NCOA3: variants seen among roughly 807,000 people sequenced by gnomAD.
NCOA3 encodes the protein nuclear receptor coactivator 3.
NCOA3 carries 51 observed loss-of-function variants against 158.8 expected under a neutral mutation model. That is an observed-to-expected ratio of 0.32 (90% confidence interval 0.26 to 0.41). The LOEUF (loss-of-function observed/expected upper bound fraction) is 0.41. NCOA3 is among the 10% of genes least tolerant of loss of function. The pLI, the probability that NCOA3 is intolerant of heterozygous loss-of-function variation, is 1.00. For synonymous variants in NCOA3, 537 were observed against 592.4 expected (o/e 0.91, Z 1.36); for missense variants, 1,510 against 1,746.6 (o/e 0.86, Z 2.41).
intron 20 of NCOA3, among the ~76,000 whole-genome samples, 161 bp from the exon 21 acceptor site, chr20:47,652,245 A>G (rs971498081): frequency 1.3e-5 from 2 of 152,030 alleles, no homozygotes; most frequent in African/African-American, 4.8e-5. Flanking sequence ...AGAATCTAGA[A>G]TACCTGGGGG....
At chr20:47,653,310 G>A (rs988039365) in intron 22 of NCOA3, 96 bp from the exon 23 acceptor site, 5 of 1,446,708 alleles carry the variant, frequency 3.5e-6, no homozygotes, top group Non-Finnish European at 4.7e-6. Context: ...GAGCTGCACT[G>A]TAAGCCATGA....
At chr20:47,641,942 C>T (rs1246706541) in intron 16 of NCOA3, among the ~76,000 whole-genome samples, 1 of 152,084 alleles carries the variant, frequency 6.6e-6, no homozygotes, top group Non-Finnish European at 1.5e-5. Context: ...CTGCTATACC[C>T]CAAATGCCTA....
chr20:47,585,075 A>G (rs1602439978), intron 2 of NCOA3, among the ~76,000 whole-genome samples: 1 of 75,078 alleles, frequency 1.3e-5, no homozygotes, highest in East Asian at 3.6e-4. Context: ...TTTTTTTGAG[A>G]CAGACTCCCT....
intron 14 of NCOA3, 33 bp downstream of exon 14, chr20:47,639,235 T>C: frequency 6.5e-7 from 1 of 1,544,740 alleles, no homozygotes; most frequent in Non-Finnish European, 8.9e-7. Flanking sequence ...GTATGATTAT[T>C]TTGGGAAAAG....
At chr20:47,547,961 C>A (rs2084860426) in intron 1 of NCOA3, among the ~76,000 whole-genome samples, 1 of 151,074 alleles carries the variant, frequency 6.6e-6, no homozygotes, top group Non-Finnish European at 1.5e-5. Flanking sequence ...GAACTCCTGA[C>A]CTCAGGTTAT....
intron 2 of NCOA3, among the ~76,000 whole-genome samples, chr20:47,607,603 T>C (rs1025000195): frequency 3.3e-5 from 5 of 152,342 alleles, no homozygotes; most frequent in African/African-American, 1.2e-4. Context: ...GAGATATATT[T>C]ATTATATTTC....
chr20:47,522,910 G>A (rs2084368130), intron 1 of NCOA3, among the ~76,000 whole-genome samples: 1 of 150,758 alleles, frequency 6.6e-6, no homozygotes, highest in African/African-American at 2.5e-5. Flanking sequence ...AAAAAAACGA[G>A]CCCGGCGCGG....
chr20:47,509,692 G>A (rs2084085468), intron 1 of NCOA3, among the ~76,000 whole-genome samples: 1 of 148,200 alleles, frequency 6.7e-6, no homozygotes, highest in African/African-American at 2.6e-5. Flanking sequence ...AGACTTGCTT[G>A]AGCCTAGGAG....
intron 2 of NCOA3, among the ~76,000 whole-genome samples, chr20:47,610,019 A>G (rs1457388719): frequency 6.6e-6 from 1 of 152,158 alleles, no homozygotes; most frequent in African/African-American, 2.4e-5. Context: ...TTCAGTTCTG[A>G]TACCTTTTAA....
intron 1 of NCOA3, among the ~76,000 whole-genome samples, chr20:47,559,596 T>C (rs902993922): frequency 6.6e-6 from 1 of 152,136 alleles, no homozygotes; most frequent in African/African-American, 2.4e-5. Flanking sequence ...AAAAATCTTT[T>C]CAGGCTCTGC....
At chr20:47,580,214 C>T (rs1007891670) in intron 1 of NCOA3, among the ~76,000 whole-genome samples, 2 of 152,060 alleles carry the variant, frequency 1.3e-5, no homozygotes, top group African/African-American at 2.4e-5. Context: ...ACCTTCTACA[C>T]GAGGCAGCAG....
At chr20:47,552,920 A>G (rs2084945494) in intron 1 of NCOA3, among the ~76,000 whole-genome samples, 1 of 148,090 alleles carries the variant, frequency 6.8e-6, no homozygotes, top group Non-Finnish European at 1.5e-5. Context: ...TTTTCAAAAT[A>G]CATGGTTAGA....
chr20:47,650,956 T>C (rs1183950922), intron 19 of NCOA3, 26 bp from the exon 20 acceptor site: 13 of 1,606,716 alleles, frequency 8.1e-6, no homozygotes, highest in Non-Finnish European at 1.1e-5. Flanking sequence ...TATATATATG[T>C]AATTGCACTC....
At chr20:47,538,982 A>G (rs561127940) in intron 1 of NCOA3, among the ~76,000 whole-genome samples, 6 of 152,346 alleles carry the variant, frequency 3.9e-5, no homozygotes, top group African/African-American at 1.2e-4. Context: ...TTTATTTAGA[A>G]CAAAAACTTG....
At chr20:47,560,277 A>G (rs938353898) in intron 1 of NCOA3, among the ~76,000 whole-genome samples, 1 of 152,064 alleles carries the variant, frequency 6.6e-6, no homozygotes, top group Non-Finnish European at 1.5e-5. Context: ...GGGTTTCACC[A>G]TGTTGGCCAG....
intron 1 of NCOA3, among the ~76,000 whole-genome samples, chr20:47,573,053 A>G (rs1045040066): frequency 2.8e-4 from 42 of 152,220 alleles, no homozygotes; most frequent in African/African-American, 9.6e-4. Context: ...ACCATCTTAT[A>G]TGAGCACAGT....
rs778086744 is a variant in NCOA3 at position 47,651,119 on chromosome 20, GCAACAGCAA to G, written c.3792_3800del (p.Gln1274_Gln1276del). 3 of 1,285,580 alleles carry G rather than the reference GCAACAGCAA, an allele frequency of 2.3e-6. No individual in the cohort carries two copies. Among genetic ancestry groups the G allele is most frequent in the South Asian group, 2.7e-5 (2 of 73,502 alleles). The allele number at this position is 1,285,580 out of a possible 1,614,324, so 79.6% of individuals were successfully genotyped here. ...AGCAGCAGCAGCAGCAGCAGCAGCA[GCAACAGCAA>G]CAGCAACAGCAACAGCAGCAACAGC... On this transcript the variant is annotated inframe_deletion, in exon 20 of 23. Coordinates refer to ENST00000371998, the MANE Select transcript of NCOA3 (RefSeq NM_181659.3).
chr20:47,518,028 T>G (rs1225595835), intron 1 of NCOA3, among the ~76,000 whole-genome samples: 3 of 152,118 alleles, frequency 2.0e-5, no homozygotes, highest in Non-Finnish European at 4.4e-5. Context: ...GTAGAAAAAC[T>G]GACTCGAGGG....
At chr20:47,515,597 G>A (rs978378656) in intron 1 of NCOA3, among the ~76,000 whole-genome samples, 5 of 149,464 alleles carry the variant, frequency 3.3e-5, no homozygotes, top group Non-Finnish European at 5.9e-5. Flanking sequence ...CGATTCTTAT[G>A]CCTCAGCGTA....
Sources: allele counts gnomAD v4.1 joint callset (sites outside exome capture counted in the v4.1 genomes callset), GRCh38; gene constraint gnomAD v4.1.1; transcripts MANE v1.5; gene names NCBI Gene and HGNC (gene_info 2026-07-23, HGNC 2026-07-21).